Variants in UNC79 observed in about 807,000 individuals in gnomAD.
UNC79 encodes the protein unc-79 subunit of NALCN channel complex, also known as protein unc-79 homolog.
A neutral mutation model predicts 283.1 loss-of-function variants in UNC79; 37 were observed. That is an observed-to-expected ratio of 0.13 (90% CI 0.10 to 0.17). UNC79 has a LOEUF of 0.17. Ranked by LOEUF, UNC79 falls within the 10% of genes least tolerant of loss-of-function variation. UNC79 has a pLI of 1.00. For missense variants in UNC79, 2,272 were observed against 3,211.1 expected (o/e 0.71, Z 7.07); for synonymous variants, 1,107 against 1,200.2 (o/e 0.92, Z 1.61).
intron 1 of UNC79, among the ~76,000 whole-genome samples, chr14:93,437,230 A>G (rs1282097785): frequency 6.6e-6 from 1 of 152,130 alleles, no homozygotes; most frequent in Non-Finnish European, 1.5e-5. Context: ...TAAGCTCTCC[A>G]GGAAAGACAG....
At chr14:93,347,198 C>A in intron 1 of UNC79, 4 of 1,502,898 alleles carry the variant, frequency 2.7e-6, no homozygotes, top group Non-Finnish European at 3.6e-6. Context: ...CTCACGAGCA[C>A]TGGAGCTTGC....
chr14:93,480,806 C>T (rs937594725), intron 4 of UNC79, among the ~76,000 whole-genome samples: 14 of 152,230 alleles, frequency 9.2e-5, no homozygotes, highest in Admixed American at 6.5e-4. Flanking sequence ...AAGACAAGAA[C>T]GCATAACTTC....
chr14:93,568,659 G>A (rs555655630), intron 14 of UNC79, among the ~76,000 whole-genome samples: 9 of 151,640 alleles, frequency 5.9e-5, no homozygotes, highest in African/African-American at 1.9e-4. Flanking sequence ...TAACAGGAGC[G>A]AAACTCCGTC....
chr14:93,403,069 G>C (rs2055144297), intron 1 of UNC79, among the ~76,000 whole-genome samples: 1 of 152,162 alleles, frequency 6.6e-6, no homozygotes, highest in Non-Finnish European at 1.5e-5. Context: ...AAATAGGTAG[G>C]AGACAAATGG....
rs923470815 is a variant in UNC79 at position 93,593,595 on chromosome 14, C to G, written c.3033-85C>G. The G allele has an allele frequency of 1.2e-5, 18 of 1,506,854 alleles. No individual in the cohort carries two copies. In the African/African-American group the frequency reaches 2.2e-4, roughly 19 times the overall value. 93.3% of individuals were successfully genotyped at this position (1,506,854 alleles called of 1,614,324 possible). On this transcript the variant is annotated intron_variant, in intron 22 of 48. Coordinates refer to ENST00000555664, the Ensembl canonical transcript of UNC79. ...ACCCCTACCCACCGTCTTGTAACTA[C>G]TCTTGCCATAAATTAAGAGGACAGG...
intron 7 of UNC79, among the ~76,000 whole-genome samples, chr14:93,507,399 C>G (rs1382045040): frequency 6.6e-6 from 1 of 152,138 alleles, no homozygotes; most frequent in African/African-American, 2.4e-5. Context: ...TTGCAATTGT[C>G]TGTGTTTTTA....
At chr14:93,675,870 C>A (rs2073300526) in intron 41 of UNC79, among the ~76,000 whole-genome samples, 1 of 152,058 alleles carries the variant, frequency 6.6e-6, no homozygotes, top group African/African-American at 2.4e-5. Flanking sequence ...TCTTATTATA[C>A]CAAGTTACTG....
At chr14:93,418,652 C>G (rs1262717930) in intron 1 of UNC79, among the ~76,000 whole-genome samples, 1 of 151,850 alleles carries the variant, frequency 6.6e-6, no homozygotes, top group East Asian at 1.9e-4. Context: ...AGGCAGGCCT[C>G]CTTGAGCTGT....
chr14:93,553,220 A>G (rs1397005434), intron 14 of UNC79, among the ~76,000 whole-genome samples: 3 of 152,258 alleles, frequency 2.0e-5, no homozygotes. Context: ...AGTTTACTCA[A>G]TTGTTAAAAG....
At chr14:93,594,707 T>A (rs2141964591) in intron 23 of UNC79, among the ~76,000 whole-genome samples, 1 of 152,200 alleles carries the variant, frequency 6.6e-6, no homozygotes, top group African/African-American at 2.4e-5. Flanking sequence ...AGTAATGTGG[T>A]AAGGAAGGAA....
chr14:93,473,947 T>G, intron 2 of UNC79, 142 bp from the exon 3 acceptor site: 2 of 979,700 alleles, frequency 2.0e-6, no homozygotes, highest in African/African-American at 1.6e-5. Flanking sequence ...AGTACTAGAC[T>G]GGTAGACCCT....
At chr14:93,692,793 A>G (rs1381177281) in intron 46 of UNC79, among the ~76,000 whole-genome samples, 1 of 152,184 alleles carries the variant, frequency 6.6e-6, no homozygotes, top group African/African-American at 2.4e-5. Context: ...CCTGGAGTCA[A>G]GGTTGGAGGA....
At chr14:93,673,376 G>C in exon 41 of UNC79, 1 of 1,611,814 alleles carries the variant, frequency 6.2e-7, no homozygotes, top group Non-Finnish European at 8.5e-7. Context: ...TACTTGTCTC[G>C]TAGTGTTGTT....
At position 93,389,662 on chromosome 14, in the gene UNC79, T is replaced by C. The variant is rs988569813; in HGVS notation, c.-351+56139T>C. Among the ~76,000 whole-genome samples, 14 of 151,964 alleles carry C rather than the reference T, an allele frequency of 9.2e-5. 1 individual carries two copies. Among genetic ancestry groups the C allele is most frequent in the African/African-American group, 3.1e-4 (13 of 41,492 alleles). The stretch of plus-strand genomic sequence containing the variant: ...ACAAGAAAAGTGGGAGCTTTTTTTT[T>C]TTTTTTTAAGATGGAGTCTCACTCT... On this transcript the variant is annotated intron_variant, in intron 1 of 49. Transcript: ENST00000256339.
intron 1 of UNC79, among the ~76,000 whole-genome samples, chr14:93,432,282 C>T (rs1371516791): frequency 6.6e-6 from 1 of 152,190 alleles, no homozygotes; most frequent in Non-Finnish European, 1.5e-5. Context: ...ATTGTGCATG[C>T]CCACCTACCA....
intron 24 of UNC79, among the ~76,000 whole-genome samples, chr14:93,599,738 T>G (rs1272121311): frequency 6.6e-6 from 1 of 152,210 alleles, no homozygotes; most frequent in African/African-American, 2.4e-5. Context: ...CTCAATCCAT[T>G]CCAACTTTGA....
At chr14:93,622,452 C>T (rs1365718112) in exon 30 of UNC79, 1 of 1,614,160 alleles carries the variant, frequency 6.2e-7, no homozygotes, top group Non-Finnish European at 8.5e-7. Context: ...TGCGGTAGCC[C>T]ACTGACGCTG....
At chr14:93,511,510 C>T (rs544858015) in intron 7 of UNC79, among the ~76,000 whole-genome samples, 12 of 152,118 alleles carry the variant, frequency 7.9e-5, no homozygotes, top group Middle Eastern at 3.4e-3. Context: ...TGTTGTGGTG[C>T]GATCTCGGCT....
chr14:93,548,096 G>T (rs1288564589), intron 14 of UNC79, among the ~76,000 whole-genome samples: 1 of 152,180 alleles, frequency 6.6e-6, no homozygotes, highest in Non-Finnish European at 1.5e-5. Flanking sequence ...TCTTCAGTTT[G>T]TTTGGGCTGC....
Sources: allele counts gnomAD v4.1 joint callset (sites outside exome capture counted in the v4.1 genomes callset), GRCh38; gene constraint gnomAD v4.1.1; transcripts MANE v1.5; gene names NCBI Gene and HGNC (gene_info 2026-07-23, HGNC 2026-07-21).